Variants in KIAA1328 observed in about 807,000 individuals in gnomAD.
The protein encoded by KIAA1328 is protein hinderin.
KIAA1328 carries 52 observed loss-of-function variants against 68.1 expected under a neutral mutation model. The ratio of observed to expected loss-of-function variants is 0.76; its 90% CI spans 0.61 to 0.96. The LOEUF (loss-of-function observed/expected upper bound fraction) is 0.96, where lower values mean the gene tolerates loss of function less well. Ranked by LOEUF, KIAA1328 falls within the 40% of genes least tolerant of loss-of-function variation. KIAA1328 has a pLI of 0.00. For synonymous variants in KIAA1328, 232 were observed against 239.4 expected (o/e 0.97, Z 0.28); for missense variants, 641 against 677.6 (o/e 0.95, Z 0.60).
chr18:37,073,382 T>C (rs1424040498), intron 7 of KIAA1328, among the ~76,000 whole-genome samples: 4 of 152,180 alleles, frequency 2.6e-5, no homozygotes, highest in Non-Finnish European at 5.9e-5. Context: ...AAAGAAGATA[T>C]TTATGTGGCC....
At chr18:37,047,846 C>T (rs938104705) in intron 6 of KIAA1328, among the ~76,000 whole-genome samples, 9 of 152,068 alleles carry the variant, frequency 5.9e-5, no homozygotes, top group Admixed American at 2.6e-4. Context: ...GCACAGTATC[C>T]GGCAGATACT....
At chr18:37,053,679 A>C (rs1373077815) in intron 6 of KIAA1328, among the ~76,000 whole-genome samples, 1 of 152,120 alleles carries the variant, frequency 6.6e-6, no homozygotes, top group Non-Finnish European at 1.5e-5. Flanking sequence ...GGAAACTTAC[A>C]ATCATGGTGG....
intron 4 of KIAA1328, among the ~76,000 whole-genome samples, chr18:36,883,529 ACCT>A (rs897311447): frequency 6.6e-6 from 1 of 152,126 alleles, no homozygotes; most frequent in African/African-American, 2.4e-5. Context: ...TGGGAACAAG[ACCT>A]CCTTGCATTA....
chr18:37,209,917 C>T (rs1179287244), intron 9 of KIAA1328, among the ~76,000 whole-genome samples: 1 of 152,142 alleles, frequency 6.6e-6, no homozygotes, highest in Non-Finnish European at 1.5e-5. Flanking sequence ...GTTATTAAAT[C>T]CCATGAGAAT....
intron 7 of KIAA1328, among the ~76,000 whole-genome samples, chr18:37,144,488 TAA>T (rs2058849681): frequency 6.6e-6 from 1 of 152,092 alleles, no homozygotes; most frequent in Non-Finnish European, 1.5e-5. Flanking sequence ...TCACTGATTT[TAA>T]ACTCTTTTCT....
chr18:36,857,771 C>G (rs1309700127), intron 4 of KIAA1328, among the ~76,000 whole-genome samples: 1 of 152,144 alleles, frequency 6.6e-6, no homozygotes, highest in East Asian at 1.9e-4. Flanking sequence ...TGTAATGATA[C>G]CCCTCCATGG....
chr18:36,871,633 G>T (rs1486396151), intron 4 of KIAA1328, among the ~76,000 whole-genome samples: 1 of 151,938 alleles, frequency 6.6e-6, no homozygotes, highest in Admixed American at 6.6e-5. Context: ...TAATTATGTA[G>T]GTATGTCTAA....
At chr18:37,211,866 A>T (rs1167926245) in intron 9 of KIAA1328, among the ~76,000 whole-genome samples, 1 of 152,152 alleles carries the variant, frequency 6.6e-6, no homozygotes, top group African/African-American at 2.4e-5. Flanking sequence ...GTTGCTCTGG[A>T]TTTCAGTTTG....
At chr18:37,046,508 T>C (rs938439367) in intron 6 of KIAA1328, among the ~76,000 whole-genome samples, 4 of 152,214 alleles carry the variant, frequency 2.6e-5, no homozygotes, top group African/African-American at 9.6e-5. Flanking sequence ...TTCTTTTACA[T>C]TTTAAATTAA....
At position 37,090,904 on chromosome 18, in the gene KIAA1328, A is replaced by C. The variant is rs983412640; in HGVS notation, c.1232+23359A>C. On this transcript the variant is annotated intron_variant, in intron 7 of 9. Coordinates refer to ENST00000280020, the MANE Select transcript of KIAA1328 (RefSeq NM_020776.3). Reference sequence around the variant, plus strand: ...GAAGTCATCTCCTAAGAAAGATGGCAATGAGGAGAACATCGGGGAGGAGGA... The same window carrying C: ...GAAGTCATCTCCTAAGAAAGATGGCCATGAGGAGAACATCGGGGAGGAGGA... Among the ~76,000 whole-genome samples the C allele has an allele frequency of 1.8e-4, 27 of 152,294 alleles. 1 individual carries two copies. The highest frequency in any genetic ancestry group is 6.5e-4 in the African/African-American group (27 of 41,562).
chr18:36,914,854 C>T (rs1055938011), intron 5 of KIAA1328, among the ~76,000 whole-genome samples: 1 of 151,938 alleles, frequency 6.6e-6, no homozygotes, highest in Non-Finnish European at 1.5e-5. Flanking sequence ...CAAAATGAAA[C>T]AGGTATTAAA....
At chr18:37,069,891 T>C (rs1464017735) in intron 7 of KIAA1328, among the ~76,000 whole-genome samples, 1 of 152,106 alleles carries the variant, frequency 6.6e-6, no homozygotes, top group African/African-American at 2.4e-5. Context: ...CTCTTCTTTT[T>C]TCCTAATTTG....
downstream of KIAA1328, among the ~76,000 whole-genome samples, chr18:37,226,281 T>A (rs950311111): frequency 2.4e-4 from 29 of 121,212 alleles, no homozygotes; most frequent in African/African-American, 1.5e-3. Context: ...CCTTTTTAAA[T>A]TTTTTTTTTT....
At chr18:36,950,847 G>T (rs1040539897) in intron 5 of KIAA1328, among the ~76,000 whole-genome samples, 6 of 152,154 alleles carry the variant, frequency 3.9e-5, no homozygotes, top group African/African-American at 1.4e-4. Flanking sequence ...GGATGATCCT[G>T]AATAAAACAT....
rs765847791 is a variant in KIAA1328, at chr18:36,885,676, T to C, written c.448+4T>C. ...CTGATCATCAAAGAAAGGGAAGATA[T>C]CCTTTTGAAAGTTCTCTTTTTTAAC... On this transcript the variant is annotated splice_donor_region_variant and intron_variant, in intron 5 of 9. Transcript: ENST00000280020. 13 of 1,520,558 alleles carry C rather than the reference T, an allele frequency of 8.5e-6. No homozygotes were observed. The East Asian group carries it at 2.1e-4, about 25-fold the overall frequency. 94.2% of individuals were successfully genotyped at this position (1,520,558 alleles called of 1,614,324 possible). A position where few individuals can be genotyped will look rare whatever the true frequency, so the allele number is the denominator to read the frequency against.
intron 6 of KIAA1328, among the ~76,000 whole-genome samples, chr18:36,966,943 G>C (rs910217397): frequency 1.3e-5 from 2 of 152,178 alleles, no homozygotes; most frequent in South Asian, 4.1e-4. Flanking sequence ...GAAGTGCAAA[G>C]GAGTGAGAAT....
At chr18:36,941,163 A>C (rs531365080) in intron 5 of KIAA1328, among the ~76,000 whole-genome samples, 66 of 152,320 alleles carry the variant, frequency 4.3e-4, no homozygotes, top group African/African-American at 1.5e-3. Flanking sequence ...TTTGAATAGC[A>C]AAAGGGACAG....
chr18:37,116,241 T>C (rs1356837392), intron 7 of KIAA1328, among the ~76,000 whole-genome samples: 15 of 151,768 alleles, frequency 9.9e-5, no homozygotes, highest in Admixed American at 9.2e-4. Context: ...GGAGGCATCA[T>C]GCTACCTGAC....
At chr18:37,179,808 C>T (rs1013318381) in intron 9 of KIAA1328, among the ~76,000 whole-genome samples, 1 of 152,172 alleles carries the variant, frequency 6.6e-6, no homozygotes, top group Non-Finnish European at 1.5e-5. Context: ...ACCAGAACAA[C>T]TGATGGTGTT....
Sources: gnomAD v4.1 joint callset for allele counts (sites outside exome capture counted in the v4.1 genomes callset) on GRCh38, gnomAD v4.1.1 for gene constraint, MANE v1.5 for transcripts, NCBI Gene and HGNC (gene_info 2026-07-23, HGNC 2026-07-21) for gene names.